The following PRKAG2 variants were observed in gnomAD, a reference collection of about 807,000 sequenced individuals.
PRKAG2 encodes the protein protein kinase AMP-activated non-catalytic subunit gamma 2.
In PRKAG2, 26 loss-of-function variants were observed where a neutral mutation model predicts 69.6. That is an observed-to-expected ratio of 0.37 (90% CI 0.27 to 0.52). PRKAG2 has a LOEUF of 0.52. Ranked by LOEUF, PRKAG2 falls within the 20% of genes least tolerant of loss-of-function variation. The pLI, the probability that PRKAG2 is intolerant of heterozygous loss-of-function variation, is 0.90. For missense variants in PRKAG2, 557 were observed against 740.0 expected, an observed-to-expected ratio of 0.75 and a Z score of 2.87; for synonymous variants, 293 against 285.0, an observed-to-expected ratio of 1.03 and a Z score of -0.28.
At chr7:151,867,086 G>A (rs896180529) in intron 1 of PRKAG2, among the ~76,000 whole-genome samples, 2 of 152,188 alleles carry the variant, frequency 1.3e-5, no homozygotes, top group South Asian at 4.1e-4. Flanking sequence ...ACCTTGGAAG[G>A]GAGTGTCAAA....
At chr7:151,769,444 A>G (rs766402243) in intron 3 of PRKAG2, among the ~76,000 whole-genome samples, 3 of 152,230 alleles carry the variant, frequency 2.0e-5, no homozygotes, top group South Asian at 2.1e-4. Context: ...AGACAGACAC[A>G]CACAGAGGAA....
intron 5 of PRKAG2, among the ~76,000 whole-genome samples, chr7:151,597,827 C>CA (rs1554482738): frequency 6.7e-5 from 10 of 149,042 alleles, no homozygotes; most frequent in Non-Finnish European, 1.2e-4. Flanking sequence ...GGAGCCCCCC[C>CA]CCCCGCTCTT....
intron 15 of PRKAG2, chr7:151,559,895 C>A (rs1584907576): frequency 1.0e-6 from 1 of 985,152 alleles, no homozygotes; most frequent in Admixed American, 6.2e-5. Flanking sequence ...CTCAAGCCCA[C>A]CTCTTACTAC....
At chr7:151,847,219 C>A (rs1163827980) in intron 1 of PRKAG2, among the ~76,000 whole-genome samples, 1 of 152,202 alleles carries the variant, frequency 6.6e-6, no homozygotes, top group Non-Finnish European at 1.5e-5. Flanking sequence ...AGTGTCCACA[C>A]AGCAGATACC....
intron 1 of PRKAG2, 146 bp downstream of exon 1, chr7:151,876,361 T>A (rs2080404819): frequency 5.1e-6 from 4 of 785,266 alleles, no homozygotes; most frequent in Non-Finnish European, 6.4e-6. Context: ...GCTCGGGCCC[T>A]GTCCCTCTAC....
Position 151,807,344 on chromosome 7 carries a change from G to A in PRKAG2, c.115-20803C>T, listed in dbSNP as rs2078165000. 2.2e-6 allele frequency: 1 copy of A among 447,982 alleles called. No individual in the cohort carries two copies. The highest frequency in any genetic ancestry group is 2.0e-5 in the African/African-American group (1 of 49,814). 27.8% of individuals were successfully genotyped at this position (447,982 alleles called of 1,614,324 possible). A position where few individuals can be genotyped will look rare whatever the true frequency, so the allele number is the denominator to read the frequency against. ...GGAAAATGCCTATATTAAGAATCCT[G>A]GAATACTCCATGTGCTTTTTCATGC... On this transcript the variant is annotated intron_variant, in intron 1 of 15. Coordinates refer to ENST00000287878, the MANE Select transcript of PRKAG2 (RefSeq NM_016203.4). This position sits in a 1 kb window ranked among gnomAD's most constrained non-coding sequence, Gnocchi z 4.4.
intron 6 of PRKAG2, among the ~76,000 whole-genome samples, chr7:151,580,875 G>A (rs1177882442): frequency 6.6e-6 from 1 of 152,098 alleles, no homozygotes; most frequent in African/African-American, 2.4e-5. Context: ...AATGAATACG[G>A]TCTAGTATTT....
chr7:151,799,471 T>A (rs2077717800), intron 1 of PRKAG2, among the ~76,000 whole-genome samples: 1 of 152,160 alleles, frequency 6.6e-6, no homozygotes, highest in African/African-American at 2.4e-5. Context: ...GCCACTTGGG[T>A]TCTGCGGGCA....
intron 3 of PRKAG2, among the ~76,000 whole-genome samples, chr7:151,717,410 G>C (rs1563511004): frequency 2.0e-5 from 3 of 152,158 alleles, no homozygotes; most frequent in Admixed American, 6.5e-5. Flanking sequence ...AGGTGACTGG[G>C]GTCATTTGCA....
At chr7:151,818,455 T>G (rs563038278) in intron 1 of PRKAG2, among the ~76,000 whole-genome samples, 92 of 152,336 alleles carry the variant, frequency 6.0e-4, no homozygotes, top group African/African-American at 2.1e-3. Flanking sequence ...GATGAGGCAT[T>G]GCTATGCAGG....
At chr7:151,701,800 G>A (rs1397053882) in intron 3 of PRKAG2, among the ~76,000 whole-genome samples, 3 of 146,998 alleles carry the variant, frequency 2.0e-5, no homozygotes, top group South Asian at 2.1e-4. Flanking sequence ...CCGAGATTGC[G>A]CCACTGCACT....
At chr7:151,613,839 T>C (rs1819470341) in intron 5 of PRKAG2, among the ~76,000 whole-genome samples, 1 of 140,198 alleles carries the variant, frequency 7.1e-6, no homozygotes, top group African/African-American at 2.7e-5. Flanking sequence ...AGTCTCGCTC[T>C]GTTGCCCAGG....
chr7:151,827,745 T>TCAAAAA (rs1367495239), intron 1 of PRKAG2, among the ~76,000 whole-genome samples: 1 of 52,248 alleles, frequency 1.9e-5, no homozygotes, highest in African/African-American at 7.9e-5. Context: ...TGGCCTTAGG[T>TCAAAAA]AAAAAAAAAA....
rs186954253 is a variant in PRKAG2 at position 151,806,032 on chromosome 7, T to C, written c.115-19491A>G. On this transcript the variant is annotated intron_variant, in intron 1 of 15. Transcript: ENST00000287878. ...TGGCCAAACCTGTCTCTACTAAAAA[T>C]ACAAAAATTAGCTGGGCGTGGTGGT... 3.2e-3 allele frequency among the ~76,000 whole-genome samples: 484 copies of C among 152,208 alleles called. 11 individuals are homozygous for C. The highest frequency in any genetic ancestry group is 0.011 in the African/African-American group (465 of 41,544).
intron 3 of PRKAG2, among the ~76,000 whole-genome samples, chr7:151,685,767 TAAA>T (rs55879822): frequency 8.4e-4 from 122 of 145,594 alleles, no homozygotes; most frequent in East Asian, 8.0e-4. Flanking sequence ...ACCCTGTCTC[TAAA>T]AAAAAAAAAA....
intron 4 of PRKAG2, among the ~76,000 whole-genome samples, chr7:151,634,632 G>A (rs1242618271): frequency 6.6e-6 from 1 of 152,114 alleles, no homozygotes; most frequent in African/African-American, 2.4e-5. Context: ...AAATAAAAAT[G>A]TCTGGAATAC....
chr7:151,614,351 C>T lies in PRKAG2; in HGVS notation c.754+17718G>A, dbSNP rs915920744. Among the ~76,000 whole-genome samples, 102 of 152,180 alleles carry T rather than the reference C, an allele frequency of 6.7e-4. No individual in the cohort carries two copies. Among genetic ancestry groups the T allele is most frequent in the African/African-American group, 2.4e-3 (98 of 41,536 alleles). On this transcript the variant is annotated intron_variant, in intron 5 of 15. Transcript: ENST00000287878. The surrounding 1 kb of genome is among the most constrained non-coding windows in gnomAD (Gnocchi z 4.4). Reference sequence around the variant, plus strand: ...CAGGGTGGCAGGGAGGCCATGGGGTCGGTTACGTTGGGCGCTTGGCATGTG... The same window carrying T: ...CAGGGTGGCAGGGAGGCCATGGGGTTGGTTACGTTGGGCGCTTGGCATGTG...
At chr7:151,823,392 C>T (rs2078837455) in intron 1 of PRKAG2, among the ~76,000 whole-genome samples, 1 of 151,368 alleles carries the variant, frequency 6.6e-6, no homozygotes, top group African/African-American at 2.4e-5. Context: ...ACATTGGAGT[C>T]TTCACTCCCA....
At chr7:151,674,018 T>A (rs1832494108) in intron 4 of PRKAG2, among the ~76,000 whole-genome samples, 5 of 152,116 alleles carry the variant, frequency 3.3e-5, no homozygotes, top group Admixed American at 3.3e-4. Flanking sequence ...ATTTTTTGTA[T>A]TTTTAGTAAA....
Sources: allele counts gnomAD v4.1 joint callset (sites outside exome capture counted in the v4.1 genomes callset), GRCh38; gene constraint gnomAD v4.1.1; non-coding constraint Gnocchi (gnomAD v3.1); transcripts MANE v1.5; gene names NCBI Gene and HGNC (gene_info 2026-07-23, HGNC 2026-07-21).